TCF12: variants seen among roughly 807,000 people sequenced by gnomAD.
TCF12 encodes the protein DNA-binding protein HTF4.
Under a neutral mutation model 86.0 loss-of-function variants are expected in TCF12, and 45 were observed. That is an observed-to-expected ratio of 0.52 (90% CI 0.41 to 0.67). The LOEUF is 0.67. Among genes scored for constraint, TCF12 ranks in the 30% least tolerant of loss-of-function variants. The probability of loss-of-function intolerance (pLI) is 0.00; values close to 1 mark genes in which losing one functional copy is unlikely to be tolerated. For missense variants in TCF12, 881 were observed against 859.9 expected, an observed-to-expected ratio of 1.02 and a Z score of -0.31; for synonymous variants, 330 against 299.6, an observed-to-expected ratio of 1.10 and a Z score of -1.05.
At chr15:57,003,158 T>C (rs1331095896) in intron 3 of TCF12, among the ~76,000 whole-genome samples, 1 of 152,178 alleles carries the variant, frequency 6.6e-6, no homozygotes, top group Non-Finnish European at 1.5e-5. Context: ...CTGGAGGTAA[T>C]GTAACATAGG....
intron 14 of TCF12, 193 bp from the exon 15 acceptor site, chr15:57,252,228 C>T: frequency 2.0e-6 from 1 of 488,536 alleles, no homozygotes; most frequent in South Asian, 3.9e-5. Flanking sequence ...GCAATGTGTG[C>T]TGTTTAGATG....
At chr15:57,210,130 G>T (rs938749371) in intron 8 of TCF12, among the ~76,000 whole-genome samples, 3 of 151,888 alleles carry the variant, frequency 2.0e-5, no homozygotes, top group Admixed American at 2.0e-4. Flanking sequence ...GTGTTACCCA[G>T]GAGCAACATA....
chr15:57,068,519 C>G (rs1209498554), intron 4 of TCF12, among the ~76,000 whole-genome samples: 2 of 152,166 alleles, frequency 1.3e-5, no homozygotes, highest in East Asian at 3.8e-4. Flanking sequence ...CTGTTTATTT[C>G]TTTCTTGGGA....
intron 5 of TCF12, among the ~76,000 whole-genome samples, chr15:57,113,911 A>T (rs570330697): frequency 2.7e-4 from 41 of 152,108 alleles, no homozygotes; most frequent in African/African-American, 9.4e-4. Flanking sequence ...AGCCATGATG[A>T]TGCCCCTGTA....
At chr15:57,022,637 G>T (rs1383042684) in intron 3 of TCF12, among the ~76,000 whole-genome samples, 1 of 152,112 alleles carries the variant, frequency 6.6e-6, no homozygotes, top group African/African-American at 2.4e-5. Context: ...TTGTGGAATC[G>T]CCACCACTGT....
At chr15:57,104,435 CTTT>C (rs71113062) in intron 5 of TCF12, among the ~76,000 whole-genome samples, 8 of 103,342 alleles carry the variant, frequency 7.7e-5, no homozygotes, top group Admixed American at 1.2e-4. Flanking sequence ...TTTTTTTTTT[CTTT>C]TTTTTTTTTT....
chr15:57,042,058 C>T (rs2066927936), intron 3 of TCF12, among the ~76,000 whole-genome samples: 1 of 152,112 alleles, frequency 6.6e-6, no homozygotes, highest in African/African-American at 2.4e-5. Flanking sequence ...CTAGCCATTG[C>T]CTGCATGCCC....
chr15:57,099,005 A>G (rs1429343209), intron 5 of TCF12, among the ~76,000 whole-genome samples: 1 of 152,170 alleles, frequency 6.6e-6, no homozygotes, highest in African/African-American at 2.4e-5. Flanking sequence ...TCACTCCAGT[A>G]TTTCCAGATT....
chr15:56,978,545 T>G (rs2062730235), intron 3 of TCF12, among the ~76,000 whole-genome samples: 1 of 152,192 alleles, frequency 6.6e-6, no homozygotes, highest in African/African-American at 2.4e-5. Context: ...AAGCAAGGGA[T>G]GATAAAAACT....
chr15:57,039,283 A>C (rs1190977058), intron 3 of TCF12, among the ~76,000 whole-genome samples: 14 of 152,112 alleles, frequency 9.2e-5, no homozygotes, highest in African/African-American at 1.7e-4. Flanking sequence ...AAATAAATAG[A>C]CATGGGTTGT....
intron 4 of TCF12, among the ~76,000 whole-genome samples, chr15:57,081,275 C>T (rs139782539): frequency 1.3e-5 from 2 of 152,208 alleles, no homozygotes; most frequent in East Asian, 1.9e-4. Context: ...ATAGTTCTAT[C>T]GGGGAGCAGT....
At chr15:57,158,543 A>G (rs1190897722) in intron 5 of TCF12, among the ~76,000 whole-genome samples, 1 of 152,156 alleles carries the variant, frequency 6.6e-6, no homozygotes, top group African/African-American at 2.4e-5. Flanking sequence ...TATCAGGGTA[A>G]TAGGATGCTC....
intron 3 of TCF12, among the ~76,000 whole-genome samples, chr15:56,983,250 A>G (rs2062983504): frequency 6.6e-6 from 1 of 152,148 alleles, no homozygotes; most frequent in Admixed American, 6.5e-5. Context: ...TCTCTTGGCA[A>G]AAGAGAGATT....
At chr15:56,977,611 A>G (rs1161991500) in intron 3 of TCF12, among the ~76,000 whole-genome samples, 7 of 152,098 alleles carry the variant, frequency 4.6e-5, no homozygotes, top group Admixed American at 4.6e-4. Flanking sequence ...AGAGGTGGAG[A>G]CAGCGTTTGT....
chr15:57,223,653 T>TTTTGTTTTGTTTTTG (rs1566940717), intron 8 of TCF12, among the ~76,000 whole-genome samples: 1 of 135,294 alleles, frequency 7.4e-6, no homozygotes, highest in African/African-American at 2.8e-5. Context: ...GTTTTTTTTT[T>TTTTGTTTTGTTTTTG]TTTTTTTTTT....
At chr15:57,243,663 G>A in intron 13 of TCF12, 113 bp downstream of exon 13, 1 of 903,926 alleles carries the variant, frequency 1.1e-6, no homozygotes, top group Non-Finnish European at 1.7e-6. Flanking sequence ...TTTAGATTTT[G>A]ACTATAAGAA....
intron 3 of TCF12, among the ~76,000 whole-genome samples, chr15:56,953,439 T>C (rs1488383678): frequency 6.6e-6 from 1 of 152,066 alleles, no homozygotes; most frequent in Non-Finnish European, 1.5e-5. Flanking sequence ...GGAAGAGTTT[T>C]CTTATAGTTG....
At chr15:57,277,405 C>T (rs1229380648) in intron 19 of TCF12, among the ~76,000 whole-genome samples, 1 of 151,314 alleles carries the variant, frequency 6.6e-6, no homozygotes, top group Non-Finnish European at 1.5e-5. Context: ...CTGAAGCAGG[C>T]AGATCATGAG....
chr15:57,088,056 T>C (rs1483055617), intron 4 of TCF12, among the ~76,000 whole-genome samples: 1 of 152,226 alleles, frequency 6.6e-6, no homozygotes, highest in Non-Finnish European at 1.5e-5. Context: ...ATGATGTCAC[T>C]GATTTACTTC....
Sources: gnomAD v4.1 joint callset for allele counts (sites outside exome capture counted in the v4.1 genomes callset) on GRCh38, gnomAD v4.1.1 for gene constraint, MANE v1.5 for transcripts, NCBI Gene and HGNC (gene_info 2026-07-23, HGNC 2026-07-21) for gene names.